CCDC88A: variants seen among roughly 807,000 people sequenced by gnomAD.
The protein encoded by CCDC88A is girdin.
Under a neutral mutation model 234.3 loss-of-function variants are expected in CCDC88A, and 54 were observed. The observed-to-expected ratio is 0.23, with a 90% CI of 0.19 to 0.29. The LOEUF is 0.29. Ranked by LOEUF, CCDC88A falls within the 10% of genes least tolerant of loss-of-function variation. The pLI is 1.00. For synonymous variants in CCDC88A, 753 were observed against 737.8 expected, an observed-to-expected ratio of 1.02 and a Z score of -0.33; for missense variants, 1,832 against 2,123.4, an observed-to-expected ratio of 0.86 and a Z score of 2.70.
At chr2:55,404,861 AGCTGGGGTTACAGGCATGT>A (rs1393601748) in intron 2 of CCDC88A, 2 of 152,298 alleles carry the variant, frequency 1.3e-5, no homozygotes, top group Non-Finnish European at 2.9e-5. Flanking sequence ...TCCCCCGAGT[AGCTGGGGTTACAGGCATGT>A]GCCACCATGC....
At position 55,348,782 on chromosome 2, in the gene CCDC88A, A is replaced by G. The variant is rs577464180; in HGVS notation, c.882+736T>C. The G allele has an allele frequency of 7.4e-4, 113 of 152,384 alleles. 2 individuals carry two copies. Among genetic ancestry groups the G allele is most frequent in the Non-Finnish European group, 1.3e-3 (90 of 68,082 alleles). The allele number at this position is 152,384 out of a possible 1,614,324, so 9.4% of individuals were successfully genotyped here. ...AAAAAACCCTGCTGCCAACAAGTAG[A>G]AAAGCAACCCCAGCATGTCTAGAAA... On this transcript the variant is annotated intron_variant, in intron 9 of 32. Transcript: ENST00000436346.
Position 55,328,294 on chromosome 2 carries a change from T to C in CCDC88A, c.2997A>G (p.Thr999=). The change falls in exon 17 of 33, where the codon ACA becomes ACG. Residue 999 remains threonine (T), a splice_region_variant and synonymous_variant. Transcript: ENST00000436346. The surrounding 1 kb of genome is among the most constrained non-coding windows in gnomAD (Gnocchi z 4.3). ...AATTCTTTCCAAGAAAATCACTTACTGTTTTAAGTTCTTGGCGCAATTGCT... is the reference window on the plus strand; with the variant it reads ...AATTCTTTCCAAGAAAATCACTTACCGTTTTAAGTTCTTGGCGCAATTGCT... ...YNQQLRQELK[T]VKKNYEALKQ... is the part of the protein sequence containing the mutation. 1.3e-6 allele frequency: 2 copies of C among 1,573,544 alleles called. No homozygotes were observed. Among genetic ancestry groups the C allele is most frequent in the Non-Finnish European group, 1.7e-6 (2 of 1,163,844 alleles).
chr2:55,360,196 C>T (rs1671104477), intron 7 of CCDC88A, among the ~76,000 whole-genome samples: 1 of 152,002 alleles, frequency 6.6e-6, no homozygotes, highest in Non-Finnish European at 1.5e-5. Context: ...CATACTTGTT[C>T]TATAGCATTA....
At chr2:55,401,178 C>G (rs1181405888) in intron 2 of CCDC88A, among the ~76,000 whole-genome samples, 2 of 151,522 alleles carry the variant, frequency 1.3e-5, no homozygotes, top group Non-Finnish European at 2.9e-5. Flanking sequence ...ACCCATAATC[C>G]CAGCACTTTG....
Position 55,346,206 on chromosome 2 carries a change from T to G in CCDC88A, c.1010A>C (p.His337Pro), listed in dbSNP as rs763003935. The part of the protein sequence containing the change: ...SEVSRYKERL[H>P]DIEFYKARVE... ...TCTTGCCTTATAAAATTCAATATCATGTAGTCTCTCTTTATATCTGCTGAC... is the reference window on the plus strand; with the variant it reads ...TCTTGCCTTATAAAATTCAATATCAGGTAGTCTCTCTTTATATCTGCTGAC... Residue 337 changes from histidine to proline, a missense_variant, in exon 10 of 33, where the codon CAT (histidine) becomes CCT (proline). By Grantham distance (77) the His-to-Pro change is moderately conservative (BLOSUM62 -2). This residue lies in a region of CCDC88A where 1,282 missense variants were observed against 1,543.6 expected (regional missense o/e 0.83). Transcript: ENST00000436346. 4 of 1,609,916 alleles carry G rather than the reference T, an allele frequency of 2.5e-6. No homozygotes were observed. The highest frequency in any genetic ancestry group is 2.2e-5 in the South Asian group (2 of 90,344).
At chr2:55,362,719 G>T (rs1397774450) in intron 6 of CCDC88A, among the ~76,000 whole-genome samples, 1 of 151,954 alleles carries the variant, frequency 6.6e-6, no homozygotes, top group Non-Finnish European at 1.5e-5. Flanking sequence ...TTAAAGGAAA[G>T]TAATGTTGAT....
chr2:55,307,691 G>T (rs1428047340), intron 25 of CCDC88A, among the ~76,000 whole-genome samples: 1 of 151,094 alleles, frequency 6.6e-6, no homozygotes, highest in Non-Finnish European at 1.5e-5. Context: ...GTCTCACTAT[G>T]TTGCCCAGGC....
At position 55,336,737 on chromosome 2, in the gene CCDC88A, C is replaced by T; in HGVS notation, c.1600G>A (p.Glu534Lys). Residue 534 changes from glutamate (E) to lysine (K), a missense_variant, in exon 14 of 33, where the codon GAG becomes AAG. Physicochemically the swap from Glu to Lys is moderately conservative, Grantham distance 56. Transcript: ENST00000436346. ...ATTGTTTTTTCAAGCTGAGCTTTCT[C>T]CTTCATTAGATCCTTGCTTAAATTC... ...CQNLSKDLMK[E>K]KAQLEKTIET... 6.3e-7 allele frequency: 1 copy of T among 1,594,024 alleles called. No homozygotes were observed. Among genetic ancestry groups the T allele is most frequent in the Non-Finnish European group, 8.6e-7 (1 of 1,167,956 alleles).
In CCDC88A at chr2:55,328,576, TTC is replaced by T; in HGVS notation, c.2856-143_2856-142del. ...TAAAGAGGCAAATGAAATTATCCTC[TTC>T]TTACTGCCCCATTCTCCCTTTAAAA... is the stretch of plus-strand genomic sequence containing the variant. On this transcript the variant is annotated intron_variant, in intron 16 of 32. Coordinates refer to ENST00000436346, the MANE Select transcript of CCDC88A (RefSeq NM_001365480.1). The surrounding 1 kb of genome is among the most constrained non-coding windows in gnomAD (Gnocchi z 4.3). 1.9e-6 allele frequency: 1 copy of T among 528,488 alleles called. No homozygotes were observed. Among genetic ancestry groups the T allele is most frequent in the Non-Finnish European group, 3.2e-6 (1 of 314,398 alleles). The allele number at this position is 528,488 out of a possible 1,614,324, so 32.7% of individuals were successfully genotyped here.
At position 55,317,334 on chromosome 2, in the gene CCDC88A, T is replaced by C; in HGVS notation, c.3618A>G (p.Leu1206=). 6.6e-7 allele frequency: 1 copy of C among 1,506,902 alleles called. No homozygotes were observed. 93.3% of individuals were successfully genotyped at this position (1,506,902 alleles called of 1,614,324 possible). A position where few individuals can be genotyped will look rare whatever the true frequency, so the allele number is the denominator to read the frequency against. ...AATCTTCCAACTGTCCTTTCTGTTT[T>C]AATAACTGATTGTAACTGGGGGGAA... ...RDLEDRYNQL[L]KQKGQLEDLE... is the part of the protein sequence containing the mutation. The change falls in exon 21 of 33, where the codon TTA becomes TTG. Residue 1206 remains leucine, a synonymous_variant. Coordinates refer to ENST00000436346, the MANE Select transcript of CCDC88A (RefSeq NM_001365480.1). The surrounding 1 kb of genome is among the most constrained non-coding windows in gnomAD (Gnocchi z 4.2).
At chr2:55,336,859 T>G in intron 13 of CCDC88A, 41 bp from the exon 14 acceptor site, 1 of 1,329,524 alleles carries the variant, frequency 7.5e-7, no homozygotes, top group Non-Finnish European at 1.1e-6. Flanking sequence ...TTAAATATTC[T>G]GTAACAGTGA....
At chr2:55,306,764 C>T (rs773228033) in intron 25 of CCDC88A, among the ~76,000 whole-genome samples, 5 of 152,106 alleles carry the variant, frequency 3.3e-5, no homozygotes, top group Non-Finnish European at 5.9e-5. Context: ...TTAGTAGACA[C>T]GAAGTTTCAC....
Position 55,335,068 on chromosome 2 carries a change from T to G in CCDC88A, c.1753A>C (p.Ile585Leu). The G allele has an allele frequency of 6.2e-7, 1 of 1,612,302 alleles. No homozygotes were observed. The highest frequency in any genetic ancestry group is 8.5e-7 in the Non-Finnish European group (1 of 1,179,026). The change falls in exon 15 of 33, where the codon ATT becomes CTT. Residue 585 changes from isoleucine to leucine, a missense_variant. By Grantham distance (5) the Ile-to-Leu change is conservative. This residue lies in a region of CCDC88A where 1,282 missense variants were observed against 1,543.6 expected (regional missense o/e 0.83). Transcript: ENST00000436346. This position sits in a 1 kb window ranked among gnomAD's most constrained non-coding sequence, Gnocchi z 4.5. ...TGAAGAATTTTGTTTTCTTTTTCAA[T>G]GTCTTTCACTCTTGCTTCTGCACTT... ...QISAEARVKD[I>L]EKENKILHES...
rs1297054224 is a variant in CCDC88A, at chr2:55,355,662, G to A, written c.717C>T (p.Gly239=). Residue 239 remains glycine, a synonymous_variant, in exon 8 of 33, where the codon GGC becomes GGT. Coordinates refer to ENST00000436346, the MANE Select transcript of CCDC88A (RefSeq NM_001365480.1). ...GTTGTCGACTTTCTGTTCGCTTCAT[G>A]CCTGGAGAACCACAGGGTGACTGTG... ...SSAQSPCGSP[G]MKRTESRQHL... is the part of the protein sequence containing the mutation. 3.1e-6 allele frequency: 5 copies of A among 1,613,976 alleles called. No homozygotes were observed. Among genetic ancestry groups the A allele is most frequent in the Non-Finnish European group, 4.2e-6 (5 of 1,179,878 alleles).
rs1558787969 is a variant in CCDC88A at position 55,384,560 on chromosome 2, C to CGCATATATACGTATATATGCGTATATAT, written c.273+4217_273+4218insATATATACGCATATATACGTATATATGC. On this transcript the variant is annotated intron_variant, in intron 3 of 32. Transcript: ENST00000436346. ...ATATACGTATATATGTGTATATATA[C>CGCATATATACGTATATATGCGTATATAT]ACATATATACGTATATATGTGTATA... Among the ~76,000 whole-genome samples, 2 of 19,040 alleles carry CGCATATATACGTATATATGCGTATATAT rather than the reference C, an allele frequency of 1.1e-4. 1 individual carries two copies. Among genetic ancestry groups the CGCATATATACGTATATATGCGTATATAT allele is most frequent in the African/African-American group, 6.6e-4 (2 of 3,016 alleles). 12.5% of individuals were successfully genotyped at this position (19,040 alleles called of 152,430 possible). A position where few individuals can be genotyped will look rare whatever the true frequency, so the allele number is the denominator to read the frequency against.
At chr2:55,315,271 G>A (rs1682845386) in intron 22 of CCDC88A, 1 of 152,178 alleles carries the variant, frequency 6.6e-6, no homozygotes, top group Non-Finnish European at 1.5e-5. Context: ...AGCTTGCCCT[G>A]TGCTCTGTCA....
chr2:55,298,708 C>A (rs556686706), intron 29 of CCDC88A, among the ~76,000 whole-genome samples: 5 of 151,326 alleles, frequency 3.3e-5, no homozygotes, highest in Middle Eastern at 3.4e-3. Context: ...CTGTCTCTAA[C>A]AAAAATACAA....
intron 11 of CCDC88A, chr2:55,344,004 C>CA: frequency 2.4e-6 from 1 of 417,712 alleles, no homozygotes; most frequent in Non-Finnish European, 4.2e-6. Flanking sequence ...TTTGGGGACA[C>CA]AATGAAAATT....
At chr2:55,300,956 C>A in intron 28 of CCDC88A, 1 of 354,044 alleles carries the variant, frequency 2.8e-6, no homozygotes, top group South Asian at 7.7e-5. Context: ...AAGAAAATTA[C>A]CTTTGAAGAC....
Sources: gnomAD v4.1 joint callset for allele counts (sites outside exome capture counted in the v4.1 genomes callset) on GRCh38, gnomAD v4.1.1 for gene constraint, gnomAD v4.1.1 regional missense constraint, Gnocchi (gnomAD v3.1) non-coding constraint, MANE v1.5 for transcripts, NCBI Gene and HGNC (gene_info 2026-07-23, HGNC 2026-07-21) for gene names.